The following CTNNA2 variants were observed in gnomAD, a reference collection of about 807,000 sequenced individuals.
The protein encoded by CTNNA2 is catenin alpha-2.
A neutral mutation model predicts 101.0 loss-of-function variants in CTNNA2; 42 were observed. That is an observed-to-expected ratio of 0.42 (90% CI 0.32 to 0.54). CTNNA2 has a LOEUF of 0.54. Among genes scored for constraint, CTNNA2 ranks in the 20% least tolerant of loss-of-function variants. The pLI is 0.14. For synonymous variants in CTNNA2, 450 were observed against 456.4 expected, an observed-to-expected ratio of 0.99 and a Z score of 0.18; for missense variants, 871 against 1,223.1, an observed-to-expected ratio of 0.71 and a Z score of 4.29.
intron 7 of CTNNA2, among the ~76,000 whole-genome samples, chr2:79,958,862 G>T (rs1000510795): frequency 4.6e-5 from 7 of 151,922 alleles, no homozygotes; most frequent in African/African-American, 1.4e-4. Flanking sequence ...ATTGGATTAA[G>T]TGTCTGTTGA....
intron 3 of CTNNA2, among the ~76,000 whole-genome samples, chr2:79,348,811 A>G (rs6754241): frequency 0.36 from 54,719 of 152,084 alleles, 10,145 homozygotes; most frequent in Admixed American, 0.44. Flanking sequence ...TTCCAGGACA[A>G]TCTCTACACC....
chr2:79,876,284 A>G (rs1683017647), intron 6 of CTNNA2, among the ~76,000 whole-genome samples: 1 of 152,194 alleles, frequency 6.6e-6, no homozygotes, highest in Admixed American at 6.5e-5. Context: ...GGAAAAGTAA[A>G]TGAGCAGGTC....
intron 1 of CTNNA2, among the ~76,000 whole-genome samples, chr2:79,612,890 CTGA>C (rs998918698): frequency 6.6e-6 from 1 of 151,754 alleles, no homozygotes; most frequent in African/African-American, 2.4e-5. Flanking sequence ...AAAAGGAAGC[CTGA>C]CATTAGATTT....
chr2:79,449,438 G>T (rs1678866213), intron 4 of CTNNA2, among the ~76,000 whole-genome samples: 1 of 151,922 alleles, frequency 6.6e-6, no homozygotes, highest in Non-Finnish European at 1.5e-5. Flanking sequence ...TTATCCTCTA[G>T]CATATGAGAG....
chr2:79,648,013 T>G (rs1469192225), intron 1 of CTNNA2, among the ~76,000 whole-genome samples: 1 of 152,202 alleles, frequency 6.6e-6, no homozygotes, highest in East Asian at 1.9e-4. Context: ...TTCTTAACAT[T>G]CCTCTAGCCA....
intron 15 of CTNNA2, among the ~76,000 whole-genome samples, chr2:80,592,721 C>CATT (rs3834146): frequency 0.56 from 84,257 of 151,640 alleles, 23,635 homozygotes; most frequent in East Asian, 0.65. Flanking sequence ...TGCTATATCT[C>CATT]ATTGGAGAGT....
intron 5 of CTNNA2, among the ~76,000 whole-genome samples, chr2:79,507,806 A>C (rs1671446304): frequency 6.6e-6 from 1 of 152,190 alleles, no homozygotes; most frequent in African/African-American, 2.4e-5. Context: ...TTCCTTGTTC[A>C]TATAAGTGTG....
Position 80,413,039 on chromosome 2 carries a change from A to G in CTNNA2, c.1138-6410A>G, listed in dbSNP as rs141664641. ...TATGGATAGAAGGAGATAGAAGAAT[A>G]AGGTTATTCATGCAACAAATCTACT... On this transcript the variant is annotated intron_variant, in intron 8 of 18. Coordinates refer to ENST00000402739, the MANE Select transcript of CTNNA2 (RefSeq NM_001282597.3). 2.8e-4 allele frequency among the ~76,000 whole-genome samples: 42 copies of G among 152,318 alleles called. No homozygotes were observed. In the East Asian group the frequency reaches 7.7e-3, roughly 28 times the overall value.
chr2:79,516,635 T>C (rs1180551069), intron 1 of CTNNA2, among the ~76,000 whole-genome samples: 6 of 152,200 alleles, frequency 3.9e-5, no homozygotes, highest in African/African-American at 1.4e-4. Context: ...TTTCATTACA[T>C]AGAAGGTTCA....
At chr2:80,638,501 G>A (rs918549416) in intron 18 of CTNNA2, among the ~76,000 whole-genome samples, 1 of 152,176 alleles carries the variant, frequency 6.6e-6, no homozygotes, top group Admixed American at 6.5e-5. Context: ...GGAAAAGAAG[G>A]TGGGGACTAC....
chr2:80,567,540 T>C (rs963218844), intron 12 of CTNNA2, among the ~76,000 whole-genome samples: 2 of 152,284 alleles, frequency 1.3e-5, no homozygotes, highest in South Asian at 2.1e-4. Context: ...TCCTCTCTTC[T>C]GTCATCTAAT....
intron 7 of CTNNA2, among the ~76,000 whole-genome samples, chr2:80,312,877 AG>A (rs1415942750): frequency 1.3e-5 from 2 of 152,220 alleles, no homozygotes; most frequent in African/African-American, 4.8e-5. Context: ...GTGAGAGACC[AG>A]ATATAGAGAC....
intron 7 of CTNNA2, among the ~76,000 whole-genome samples, chr2:80,098,417 CG>C (rs945925844): frequency 2.0e-5 from 3 of 152,138 alleles, no homozygotes; most frequent in Admixed American, 1.3e-4. Flanking sequence ...TCCGCCCCCA[CG>C]GGGGGGTTGC....
chr2:80,171,528 G>A (rs1333010311), intron 7 of CTNNA2, among the ~76,000 whole-genome samples: 1 of 152,164 alleles, frequency 6.6e-6, no homozygotes. Flanking sequence ...ACAACCCAAA[G>A]GTAACAGCAA....
At chr2:80,577,978 A>G (rs2149711045) in intron 13 of CTNNA2, among the ~76,000 whole-genome samples, 1 of 152,336 alleles carries the variant, frequency 6.6e-6, no homozygotes, top group East Asian at 1.9e-4. Flanking sequence ...TCACATGTCC[A>G]GGTGAAATGA....
intron 3 of CTNNA2, among the ~76,000 whole-genome samples, chr2:79,824,484 A>G (rs553802070): frequency 8.5e-6 from 1 of 118,212 alleles, no homozygotes; most frequent in East Asian, 2.3e-4. Context: ...TGTATTTCCC[A>G]GTTGTCTTTC....
intron 7 of CTNNA2, among the ~76,000 whole-genome samples, chr2:80,388,578 AGAT>A (rs1301667185): frequency 1.3e-5 from 2 of 152,208 alleles, no homozygotes; most frequent in African/African-American, 2.4e-5. Context: ...TTCATTCTAC[AGAT>A]GATAAGGTTG....
At chr2:79,979,996 C>A (rs1387062507) in intron 7 of CTNNA2, among the ~76,000 whole-genome samples, 2 of 152,170 alleles carry the variant, frequency 1.3e-5, no homozygotes, top group African/African-American at 4.8e-5. Context: ...CATCCGATGA[C>A]CTCTAAGTGC....
chr2:79,228,500 C>T lies in CTNNA2; in HGVS notation c.-406+30424C>T, dbSNP rs116299678. Among the ~76,000 whole-genome samples the T allele has an allele frequency of 3.1e-3, 474 of 152,210 alleles. 4 individuals carry two copies. The highest frequency in any genetic ancestry group is 0.011 in the African/African-American group (445 of 41,540). On this transcript the variant is annotated intron_variant, in intron 2 of 21. Transcript: ENST00000466387. ...GTTTTTATTTGCATTTGTCTGTTGA[C>T]GAGTGATGCTGAGCATTTTTTCATA...
Sources: gnomAD v4.1 joint callset for allele counts (sites outside exome capture counted in the v4.1 genomes callset) on GRCh38, gnomAD v4.1.1 for gene constraint, MANE v1.5 for transcripts, NCBI Gene and HGNC (gene_info 2026-07-23, HGNC 2026-07-21) for gene names.